The following LARGE1 variants were observed in gnomAD, a reference collection of about 807,000 sequenced individuals.
The protein encoded by LARGE1 is LARGE xylosyl- and glucuronyltransferase 1.
LARGE1 carries 43 observed loss-of-function variants against 87.6 expected under a neutral mutation model. The ratio of observed to expected loss-of-function variants is 0.49; its 90% confidence interval spans 0.38 to 0.63. The LOEUF (loss-of-function observed/expected upper bound fraction) is 0.63. LARGE1 is among the 30% of genes least tolerant of loss of function. The probability of loss-of-function intolerance (pLI) is 0.00; values close to 1 mark genes in which losing one functional copy is unlikely to be tolerated. For synonymous variants in LARGE1, 434 were observed against 394.6 expected (o/e 1.10, Z -1.18); for missense variants, 802 against 1,000.2 (o/e 0.80, Z 2.67).
intron 2 of LARGE1, chr22:33,744,128 G>A (rs1322316842): frequency 6.6e-6 from 1 of 152,180 alleles, no homozygotes; most frequent in Admixed American, 6.5e-5. Flanking sequence ...TGCAATCACA[G>A]ATCTGAAGTT....
At chr22:33,917,985 G>A (rs2065836185) in intron 1 of LARGE1, among the ~76,000 whole-genome samples, 1 of 152,082 alleles carries the variant, frequency 6.6e-6, no homozygotes, top group Admixed American at 6.6e-5. Flanking sequence ...GTCCCCCCTA[G>A]TGTCCTGCTA....
chr22:33,267,204 G>A lies in LARGE1; in HGVS notation c.1730+37025C>T, dbSNP rs559827246. Among the ~76,000 whole-genome samples, 6 of 151,810 alleles carry A rather than the reference G, an allele frequency of 4.0e-5. No homozygotes were observed. The South Asian group carries it at 1.2e-3, about 31-fold the overall frequency. On this transcript the variant is annotated intron_variant, in intron 11 of 11. Coordinates refer to the LARGE1 transcript ENST00000608642. ...TGCAGTGAGCTGAGATTGTGCTACTGCACTCCAGCCTGGGCGACAGAGGGG... is the reference window on the plus strand; with the variant it reads ...TGCAGTGAGCTGAGATTGTGCTACTACACTCCAGCCTGGGCGACAGAGGGG...
intron 5 of LARGE1, 91 bp downstream of exon 5, chr22:33,604,344 G>C (rs1429980555): frequency 6.5e-7 from 1 of 1,540,402 alleles, no homozygotes; most frequent in Non-Finnish European, 9.0e-7. Flanking sequence ...TAGGAGCTGA[G>C]ATTTCTGGCA....
At chr22:33,516,576 A>G (rs1311915379) in intron 6 of LARGE1, among the ~76,000 whole-genome samples, 1 of 151,334 alleles carries the variant, frequency 6.6e-6, no homozygotes, top group Non-Finnish European at 1.5e-5. Context: ...AGCCTCCCCA[A>G]CTTCCTCCTA....
intron 1 of LARGE1, among the ~76,000 whole-genome samples, chr22:33,907,636 C>G (rs2065493543): frequency 6.6e-6 from 1 of 151,746 alleles, no homozygotes; most frequent in African/African-American, 2.4e-5. Flanking sequence ...GGCGCGATCT[C>G]GGCTCACTGC....
Position 33,277,718 on chromosome 22 carries a change from T to C in LARGE1, c.1878-463A>G, listed in dbSNP as rs568695685. Reference sequence around the variant, plus strand: ...ATCTTGGACTTCCGGCCTCCAGAATTGTGAGAGAATAAATTTCTATTATGT... The same window carrying C: ...ATCTTGGACTTCCGGCCTCCAGAATCGTGAGAGAATAAATTTCTATTATGT... On this transcript the variant is annotated intron_variant, in intron 13 of 14. Coordinates refer to ENST00000397394, the MANE Select transcript of LARGE1 (RefSeq NM_133642.5). 2.6e-4 allele frequency among the ~76,000 whole-genome samples: 39 copies of C among 152,262 alleles called. 1 individual carries two copies. Among genetic ancestry groups the C allele is most frequent in the Middle Eastern group, 3.4e-3 (1 of 294 alleles).
At chr22:33,853,898 A>G (rs1358874415) in intron 1 of LARGE1, among the ~76,000 whole-genome samples, 1 of 152,158 alleles carries the variant, frequency 6.6e-6, no homozygotes, top group East Asian at 1.9e-4. Context: ...ATCCCCGAGA[A>G]CACCTCTCAG....
chr22:33,535,933 A>G (rs1384774385), intron 6 of LARGE1, among the ~76,000 whole-genome samples: 2 of 151,410 alleles, frequency 1.3e-5, no homozygotes, highest in Non-Finnish European at 2.9e-5. Context: ...CTTTCCTGCC[A>G]TCTTGGTGGA....
intron 6 of LARGE1, among the ~76,000 whole-genome samples, chr22:33,442,411 C>A (rs564500839): frequency 1.3e-5 from 2 of 152,160 alleles, no homozygotes; most frequent in Non-Finnish European, 2.9e-5. Flanking sequence ...TCAAATCTCA[C>A]GGATGCAGCT....
intron 9 of LARGE1, among the ~76,000 whole-genome samples, chr22:33,361,404 A>C (rs1189716156): frequency 6.7e-6 from 1 of 149,304 alleles, no homozygotes; most frequent in African/African-American, 2.5e-5. Flanking sequence ...CATTCTACAT[A>C]AACATTTTTG....
chr22:33,188,314 A>G (rs930889159), intron 11 of LARGE1, among the ~76,000 whole-genome samples: 6 of 152,108 alleles, frequency 3.9e-5, no homozygotes, highest in Admixed American at 2.0e-4. Context: ...CGAACCCACC[A>G]TGTTGCTGAG....
intron 2 of LARGE1, among the ~76,000 whole-genome samples, chr22:33,727,852 A>G (rs2083317936): frequency 6.6e-6 from 1 of 152,158 alleles, no homozygotes; most frequent in Admixed American, 6.5e-5. Flanking sequence ...AGGCTTGGAA[A>G]GGTCAGGGGA....
chr22:33,405,728 A>C (rs985406945), intron 7 of LARGE1, among the ~76,000 whole-genome samples: 5 of 152,212 alleles, frequency 3.3e-5, no homozygotes, highest in African/African-American at 1.2e-4. Context: ...AGTGGGCATT[A>C]AATGAGAGAA....
At chr22:33,377,889 A>T (rs2065037743) in intron 9 of LARGE1, among the ~76,000 whole-genome samples, 1 of 152,222 alleles carries the variant, frequency 6.6e-6, no homozygotes, top group Non-Finnish European at 1.5e-5. Context: ...ACTTCTAAAA[A>T]TACTATTTAA....
intron 6 of LARGE1, among the ~76,000 whole-genome samples, chr22:33,561,836 G>A (rs1026627599): frequency 1.3e-5 from 2 of 152,164 alleles, no homozygotes; most frequent in African/African-American, 4.8e-5. Context: ...TCTCTAAGAG[G>A]CTTCTTCTGG....
chr22:33,768,301 C>A (rs544996537), intron 1 of LARGE1, among the ~76,000 whole-genome samples: 4 of 151,970 alleles, frequency 2.6e-5, no homozygotes, highest in Admixed American at 6.5e-5. Flanking sequence ...CCGTCCCACT[C>A]CAAAGAAAAA....
intron 11 of LARGE1, among the ~76,000 whole-genome samples, chr22:33,227,173 C>T (rs552285348): frequency 5.9e-5 from 9 of 152,188 alleles, no homozygotes; most frequent in African/African-American, 2.2e-4. Context: ...TTTTTATGCC[C>T]ATTTGACAGA....
At chr22:33,791,106 A>C (rs11705320) in intron 1 of LARGE1, among the ~76,000 whole-genome samples, 3,341 of 152,344 alleles carry the variant, frequency 0.022, 55 homozygotes, top group Non-Finnish European at 0.033. Flanking sequence ...TTCTAAATGA[A>C]GAATGAAAAC....
At chr22:33,826,019 G>A (rs546213323) in intron 1 of LARGE1, among the ~76,000 whole-genome samples, 4 of 152,114 alleles carry the variant, frequency 2.6e-5, no homozygotes, top group Non-Finnish European at 4.4e-5. Flanking sequence ...AGAGAGACCC[G>A]CTGTCCAGAT....
Sources: allele counts gnomAD v4.1 joint callset (sites outside exome capture counted in the v4.1 genomes callset), GRCh38; gene constraint gnomAD v4.1.1; transcripts MANE v1.5; gene names NCBI Gene and HGNC (gene_info 2026-07-23, HGNC 2026-07-21).